Variants in CNTNAP5 observed in about 807,000 individuals in gnomAD.
CNTNAP5 encodes contactin-associated protein-like 5.
CNTNAP5 carries 72 observed loss-of-function variants against 150.2 expected under a neutral mutation model. That is an observed-to-expected ratio of 0.48 (90% CI 0.40 to 0.58). The LOEUF is 0.58. Ranked by LOEUF, CNTNAP5 falls within the 20% of genes least tolerant of loss-of-function variation. The pLI, the probability that CNTNAP5 is intolerant of heterozygous loss-of-function variation, is 0.00. For missense variants in CNTNAP5, 1,636 were observed against 1,626.2 expected (o/e 1.01, Z -0.10); for synonymous variants, 672 against 619.8 (o/e 1.08, Z -1.25).
chr2:124,348,809 T>A (rs1387824711), intron 3 of CNTNAP5, among the ~76,000 whole-genome samples: 11 of 152,140 alleles, frequency 7.2e-5, no homozygotes, highest in Admixed American at 6.5e-4. Flanking sequence ...TGTTATAGAA[T>A]CACAGGATAT....
At chr2:124,582,042 C>T (rs1042687657) in intron 11 of CNTNAP5, among the ~76,000 whole-genome samples, 4 of 152,106 alleles carry the variant, frequency 2.6e-5, no homozygotes, top group East Asian at 1.9e-4. Flanking sequence ...TTTAAATCTG[C>T]GTTAAAATGA....
intron 13 of CNTNAP5, among the ~76,000 whole-genome samples, chr2:124,729,125 G>A (rs1344525149): frequency 1.3e-5 from 2 of 151,942 alleles, no homozygotes; most frequent in Admixed American, 1.3e-4. Flanking sequence ...CATCAATCCT[G>A]ATCTACTGGC....
chr2:124,784,599 C>T (rs1681525269), intron 17 of CNTNAP5, among the ~76,000 whole-genome samples: 1 of 152,048 alleles, frequency 6.6e-6, no homozygotes. Context: ...ATAGAGAATC[C>T]CAGAGAATAA....
At chr2:124,780,005 A>G (rs928213936) in intron 17 of CNTNAP5, among the ~76,000 whole-genome samples, 10 of 152,186 alleles carry the variant, frequency 6.6e-5, no homozygotes, top group African/African-American at 2.4e-4. Context: ...TTAGTGTTCA[A>G]TAAAAATCTA....
chr2:124,027,970 A>G (rs1317173823), intron 1 of CNTNAP5, among the ~76,000 whole-genome samples: 2 of 152,006 alleles, frequency 1.3e-5, no homozygotes, highest in African/African-American at 4.8e-5. Flanking sequence ...TACTGACCAC[A>G]CTCTTTATTC....
At chr2:124,761,928 A>T (rs1680963463) in intron 14 of CNTNAP5, among the ~76,000 whole-genome samples, 1 of 152,158 alleles carries the variant, frequency 6.6e-6, no homozygotes, top group Non-Finnish European at 1.5e-5. Flanking sequence ...TATGAAAGGC[A>T]GTCGTTGGCA....
chr2:124,442,170 T>A (rs1301019626), intron 5 of CNTNAP5, among the ~76,000 whole-genome samples: 1 of 152,182 alleles, frequency 6.6e-6, no homozygotes, highest in African/African-American at 2.4e-5. Context: ...GAGAAAGGGC[T>A]GACTTTAGAC....
At chr2:124,771,121 A>G (rs1681182603) in intron 16 of CNTNAP5, among the ~76,000 whole-genome samples, 1 of 152,186 alleles carries the variant, frequency 6.6e-6, no homozygotes. Context: ...GTTAAGGTTT[A>G]AAGGCTGGGA....
At chr2:124,106,953 G>GA (rs202233616) in intron 1 of CNTNAP5, among the ~76,000 whole-genome samples, 60 of 151,182 alleles carry the variant, frequency 4.0e-4, no homozygotes, top group African/African-American at 1.3e-3. Context: ...TGGTGTGAGG[G>GA]AAAAAAAACC....
chr2:124,106,388 T>C (rs985017649), intron 1 of CNTNAP5, among the ~76,000 whole-genome samples: 2 of 152,162 alleles, frequency 1.3e-5, no homozygotes, highest in Admixed American at 6.5e-5. Flanking sequence ...GTTGGAATTA[T>C]AGCACTTTAA....
intron 19 of CNTNAP5, among the ~76,000 whole-genome samples, chr2:124,862,243 G>A (rs954364075): frequency 3.3e-5 from 5 of 152,102 alleles, no homozygotes; most frequent in African/African-American, 1.2e-4. Context: ...TTATAGTGTA[G>A]CAATGTTAAT....
chr2:124,392,685 GCCA>G (rs1691145207), intron 3 of CNTNAP5, among the ~76,000 whole-genome samples: 1 of 46,566 alleles, frequency 2.1e-5, no homozygotes, highest in African/African-American at 1.1e-4. Flanking sequence ...GTTTTTCTTT[GCCA>G]AAAAAAAAAA....
At chr2:124,710,243 T>C (rs1679778714) in intron 13 of CNTNAP5, among the ~76,000 whole-genome samples, 1 of 152,154 alleles carries the variant, frequency 6.6e-6, no homozygotes, top group Non-Finnish European at 1.5e-5. Flanking sequence ...CTCTTTATAA[T>C]AAATCTCTTG....
intron 1 of CNTNAP5, among the ~76,000 whole-genome samples, chr2:124,123,186 C>A (rs1683608633): frequency 1.3e-5 from 2 of 152,104 alleles, no homozygotes; most frequent in South Asian, 4.1e-4. Context: ...CCTGGAAAAT[C>A]AGGACACTCC....
At chr2:124,789,798 A>G in intron 17 of CNTNAP5, 104 bp from the exon 18 acceptor site, 6 of 1,040,310 alleles carry the variant, frequency 5.8e-6, no homozygotes, top group Non-Finnish European at 8.2e-6. Context: ...TTAGACCTTC[A>G]TGACAACAGA....
chr2:124,906,693 T>C (rs1046983905), intron 22 of CNTNAP5, among the ~76,000 whole-genome samples: 1 of 152,178 alleles, frequency 6.6e-6, no homozygotes, highest in African/African-American at 2.4e-5. Flanking sequence ...GTCCAATATT[T>C]TGTAAAAATT....
At chr2:124,752,944 C>A (rs1377413813) in intron 14 of CNTNAP5, among the ~76,000 whole-genome samples, 1 of 152,184 alleles carries the variant, frequency 6.6e-6, no homozygotes, top group Admixed American at 6.5e-5. Flanking sequence ...CAATGTCCCT[C>A]ATGATGATGA....
At chr2:124,215,468 T>C (rs1251007356) in intron 1 of CNTNAP5, among the ~76,000 whole-genome samples, 1 of 152,190 alleles carries the variant, frequency 6.6e-6, no homozygotes. Context: ...GTAATTAATA[T>C]GAAAGAAGAC....
At chr2:124,351,626 G>T (rs1379925049) in intron 3 of CNTNAP5, among the ~76,000 whole-genome samples, 4 of 152,132 alleles carry the variant, frequency 2.6e-5, no homozygotes, top group Non-Finnish European at 5.9e-5. Context: ...GAAGCAGAAA[G>T]ACTACAAAGA....
Sources: allele counts gnomAD v4.1 joint callset (sites outside exome capture counted in the v4.1 genomes callset), GRCh38; gene constraint gnomAD v4.1.1; transcripts MANE v1.5; gene names NCBI Gene and HGNC (gene_info 2026-07-23, HGNC 2026-07-21).